The following GFY variants were observed in gnomAD, a reference collection of about 807,000 sequenced individuals.
The protein encoded by GFY is Golgi-associated olfactory signaling regulator.
In GFY, 28 loss-of-function variants were observed where a neutral mutation model predicts 29.1. The ratio of observed to expected loss-of-function variants is 0.96; its 90% CI spans 0.71 to 1.32. The LOEUF is 1.32. Among genes scored for constraint, GFY ranks in the 40% most tolerant of loss-of-function variants. The pLI, the probability that GFY is intolerant of heterozygous loss-of-function variation, is 0.00. For missense variants in GFY, 656 were observed against 661.9 expected (o/e 0.99, Z 0.10); for synonymous variants, 277 against 274.5 (o/e 1.01, Z -0.09).
In GFY at chr19:49,428,124, G is replaced by T; in HGVS notation, c.1357+5G>T. 1 of 1,530,006 alleles carries T rather than the reference G, an allele frequency of 6.5e-7. No individual in the cohort carries two copies. Among genetic ancestry groups the T allele is most frequent in the Non-Finnish European group, 8.8e-7 (1 of 1,141,744 alleles). The allele number at this position is 1,530,006 out of a possible 1,614,324, so 94.8% of individuals were successfully genotyped here. ...CGGACGACGGAGATGAACCGGGTGA[G>T]CGCCCTGCCCCTTGAATGCCTGCAC... On this transcript the variant is annotated splice_donor_5th_base_variant and intron_variant, in intron 3 of 3. Transcript: ENST00000610896.
rs542168709 is a variant in GFY, at chr19:49,426,873, G to A, written c.443G>A (p.Gly148Glu). 543 of 1,535,132 alleles carry A rather than the reference G, an allele frequency of 3.5e-4. No homozygotes were observed. Among genetic ancestry groups the A allele is most frequent in the African/African-American group, 2.1e-3 (152 of 72,754 alleles). ...TPGPTEMPHP[G>E]SPETPKPNFS... ...GGCCCAACTGAAATGCCACACCCAG[G>A]ATCCCCTGAGACCCCCAAACCTAAC... The change falls in exon 2 of 4, where the codon GGA becomes GAA. Residue 148 changes from glycine to glutamate, a missense_variant. Physicochemically the swap from Gly to Glu is moderately conservative, Grantham distance 98. Transcript: ENST00000610896.
At chr19:49,424,437 T>G (rs537484963), upstream of GFY, among the ~76,000 whole-genome samples, 1 of 152,134 alleles carries the variant, frequency 6.6e-6, no homozygotes. Flanking sequence ...GAGATAGGGT[T>G]TCGCCAAACT....
At chr19:49,428,420 C>A (rs1486968883) in intron 3 of GFY, among the ~76,000 whole-genome samples, 199 bp from the exon 4 acceptor site, 1 of 152,148 alleles carries the variant, frequency 6.6e-6, no homozygotes, top group Non-Finnish European at 1.5e-5. Context: ...CAGGCCCCGC[C>A]GCTGCTGATC....
chr19:49,423,897 G>T (rs1975046687), upstream of GFY: 1 of 152,806 alleles, frequency 6.5e-6, no homozygotes, highest in Non-Finnish European at 1.5e-5. Context: ...GATGGAGATG[G>T]AGGAGGGAAA....
At position 49,426,626 on chromosome 19, in the gene GFY, T is replaced by C. The variant is rs1975075728; in HGVS notation, c.196T>C (p.Tyr66His). 1 of 1,535,528 alleles carries C rather than the reference T, an allele frequency of 6.5e-7. No individual in the cohort carries two copies. Among genetic ancestry groups the C allele is most frequent in the South Asian group, 1.2e-5 (1 of 83,982 alleles). The part of the protein sequence containing the change: ...RLNPEFPGTP[Y>H]PEPSKLPHTV... Reference sequence around the variant, plus strand: ...TAACCCAGAATTTCCTGGGACTCCTTACCCTGAGCCTTCCAAGCTACCTCA... The same window carrying C: ...TAACCCAGAATTTCCTGGGACTCCTCACCCTGAGCCTTCCAAGCTACCTCA... Residue 66 changes from tyrosine to histidine, a missense_variant, in exon 2 of 4, where the codon TAC becomes CAC. Physicochemically the swap from Tyr to His is moderately conservative, Grantham distance 83. Transcript: ENST00000610896.
At chr19:49,428,154 CCATAA>C in intron 3 of GFY, 35 bp downstream of exon 3, 2 of 1,514,480 alleles carry the variant, frequency 1.3e-6, no homozygotes, top group Non-Finnish European at 1.8e-6. Context: ...CTGCACTTTT[CCATAA>C]CCTGGTCTCT....
rs377272836 is a variant in GFY at position 49,428,377 on chromosome 19, G to T, written c.1358-242G>T. ...CCCGCCCCTGCCCCTCCAGGTACGCGGCCCGGAGCCCTGTACTTCCCGCCC... is the reference window on the plus strand; with the variant it reads ...CCCGCCCCTGCCCCTCCAGGTACGCTGCCCGGAGCCCTGTACTTCCCGCCC... On this transcript the variant is annotated intron_variant, in intron 3 of 3. Transcript: ENST00000610896. Among the ~76,000 whole-genome samples the T allele has an allele frequency of 8.6e-5, 13 of 152,030 alleles. No homozygotes were observed. In the East Asian group the frequency reaches 1.9e-3, roughly 23 times the overall value.
chr19:49,428,792 G>C lies in GFY; in HGVS notation c.1531G>C (p.Ala511Pro), dbSNP rs1429686267. The stretch of plus-strand genomic sequence containing the variant: ...GCAGCGTCTGGAGGCCCTGTCCCCC[G>C]CCACGCTCCCCAACAACTTCGTGTG... ...RPQRLEALSP[A>P]TLPNNFV Residue 511 changes from alanine (A) to proline (P), a missense_variant, in exon 4 of 4, where the codon GCC (alanine) becomes CCC (proline). Transcript: ENST00000610896. The C allele has an allele frequency of 4.1e-6, 6 of 1,471,776 alleles. No homozygotes were observed. The East Asian group carries it at 1.0e-4, about 26-fold the overall frequency. 91.2% of individuals were successfully genotyped at this position (1,471,776 alleles called of 1,614,324 possible).
In GFY at chr19:49,426,601, T is replaced by G; in HGVS notation, c.171T>G (p.Leu57=). ...GASENSKRDR[L]NPEFPGTPYP... is the part of the protein sequence containing the mutation. ...CTGAAAATTCCAAACGAGATCGCCT[T>G]AACCCAGAATTTCCTGGGACTCCTT... The change falls in exon 2 of 4, where the codon CTT becomes CTG. Residue 57 remains leucine (L), a synonymous_variant. Transcript: ENST00000610896. 1 of 1,535,922 alleles carries G rather than the reference T, an allele frequency of 6.5e-7. No individual in the cohort carries two copies. The highest frequency in any genetic ancestry group is 2.4e-5 in the East Asian group (1 of 40,888).
Position 49,426,907 on chromosome 19 carries a change from A to G in GFY, c.477A>G (p.Lys159=), listed in dbSNP as rs560069066. The change falls in exon 2 of 4, where the codon AAA becomes AAG. Residue 159 remains lysine (K), a synonymous_variant. Transcript: ENST00000610896. ...AGACCCCCAAACCTAACTTCTCCAAAACTTCACGCCCAGAATTTCCTGAGA... is the reference window on the plus strand; with the variant it reads ...AGACCCCCAAACCTAACTTCTCCAAGACTTCACGCCCAGAATTTCCTGAGA... ...SPETPKPNFS[K]TSRPEFPETP... The G allele has an allele frequency of 1.3e-4, 192 of 1,535,652 alleles. No homozygotes were observed. The African/African-American group carries it at 2.4e-3, about 19-fold the overall frequency.
chr19:49,426,669 C>T lies in GFY; in HGVS notation c.239C>T (p.Thr80Ile). The T allele has an allele frequency of 6.5e-7, 1 of 1,536,146 alleles. No homozygotes were observed. Among genetic ancestry groups the T allele is most frequent in the Non-Finnish European group, 8.7e-7 (1 of 1,146,890 alleles). The change falls in exon 2 of 4, where the codon ACC becomes ATC. Residue 80 changes from threonine (T) to isoleucine (I), a missense_variant. Thr to Ile is a moderately conservative substitution (Grantham distance 89). Coordinates refer to ENST00000610896, the MANE Select transcript of GFY (RefSeq NM_001195256.2). ...SKLPHTVSLE[T>I]FPLDFTEPLN... ...CTACCTCATACGGTTTCCCTGGAAACCTTCCCACTTGACTTCACTGAGCCC... is the reference window on the plus strand; with the variant it reads ...CTACCTCATACGGTTTCCCTGGAAATCTTCCCACTTGACTTCACTGAGCCC...
At chr19:49,427,814 C>A in intron 2 of GFY, 132 bp from the exon 3 acceptor site, 2 of 1,211,102 alleles carry the variant, frequency 1.7e-6, no homozygotes, top group Non-Finnish European at 2.2e-6. Flanking sequence ...GGGGTCTGGA[C>A]TCCTGGGTCT....
In GFY at chr19:49,427,967, C is replaced by A. The variant is rs1381499714; in HGVS notation, c.1205C>A (p.Pro402Gln). ...KETGVTLVGR[P>Q]RGAAGGALCL... The stretch of plus-strand genomic sequence containing the variant: ...TCAGGCGTGACTCTGGTGGGGCGAC[C>A]ACGTGGCGCAGCAGGCGGGGCCCTC... The change falls in exon 3 of 4, where the codon CCA (proline) becomes CAA (glutamine). Residue 402 changes from proline (P) to glutamine (Q), a missense_variant. Physicochemically the swap from Pro to Gln is moderately conservative, Grantham distance 76. Transcript: ENST00000610896. 6.5e-7 allele frequency: 1 copy of A among 1,534,662 alleles called. No individual in the cohort carries two copies. Among genetic ancestry groups the A allele is most frequent in the Non-Finnish European group, 8.7e-7 (1 of 1,145,884 alleles).
rs576907572 is a variant in GFY at position 49,426,724 on chromosome 19, C to A, written c.294C>A (p.His98Gln). Residue 98 changes from histidine to glutamine, a missense_variant, in exon 2 of 4, where the codon CAC becomes CAA. Physicochemically the swap from His to Gln is conservative, Grantham distance 24 (BLOSUM62 0). Coordinates refer to ENST00000610896, the MANE Select transcript of GFY (RefSeq NM_001195256.2). The stretch of plus-strand genomic sequence containing the variant: ...ACCCTGACCTCCGAGAAACCCCGCA[C>A]CCAGAGTCTCCTGAGACCCCCAAAG... Reference protein sequence around the residue: ...PLNPDLRETPHPESPETPKAD... With the variant: ...PLNPDLRETPQPESPETPKAD... 138 of 1,535,956 alleles carry A rather than the reference C, an allele frequency of 9.0e-5. 2 individuals carry two copies. The South Asian group carries it at 1.6e-3, about 17-fold the overall frequency.
Position 49,426,933 on chromosome 19 carries a change from C to A in GFY, c.503C>A (p.Thr168Asn). The A allele has an allele frequency of 6.5e-7, 1 of 1,535,980 alleles. No individual in the cohort carries two copies. ...ACTTCACGCCCAGAATTTCCTGAGACCCCAAACACTGACCTTATGCAAACT... is the reference window on the plus strand; with the variant it reads ...ACTTCACGCCCAGAATTTCCTGAGAACCCAAACACTGACCTTATGCAAACT... ...SKTSRPEFPE[T>N]PNTDLMQTTP... Residue 168 changes from threonine (T) to asparagine (N), a missense_variant, in exon 2 of 4, where the codon ACC (threonine) becomes AAC (asparagine). By Grantham distance (65) the Thr-to-Asn change is moderately conservative (BLOSUM62 0). Coordinates refer to ENST00000610896, the MANE Select transcript of GFY (RefSeq NM_001195256.2).
At position 49,426,816 on chromosome 19, in the gene GFY, C is replaced by T. The variant is rs1475077182; in HGVS notation, c.386C>T (p.Ala129Val). Residue 129 changes from alanine to valine, a missense_variant, in exon 2 of 4, where the codon GCA (alanine) becomes GTA (valine). Transcript: ENST00000610896. ...DMPKTNLSKMAHPESSETPTP... is the reference protein window; with the variant it reads ...DMPKTNLSKMVHPESSETPTP... ...CCCAAAACTAACCTCTCCAAAATGG[C>T]ACACCCAGAGTCTTCTGAGACCCCC... 1 of 1,535,806 alleles carries T rather than the reference C, an allele frequency of 6.5e-7. No homozygotes were observed. The highest frequency in any genetic ancestry group is 1.4e-5 in the African/African-American group (1 of 72,858).
At chr19:49,426,389 C>A (rs566675840) in intron 1 of GFY, 21 bp from the exon 2 acceptor site, 265 of 1,477,900 alleles carry the variant, frequency 1.8e-4, no homozygotes, top group Non-Finnish European at 2.1e-4. Flanking sequence ...TTAACCCCTT[C>A]CTTCCCGCTC....
chr19:49,426,544 C>T lies in GFY; in HGVS notation c.114C>T (p.His38=). 9 of 1,536,172 alleles carry T rather than the reference C, an allele frequency of 5.9e-6. No individual in the cohort carries two copies. The highest frequency in any genetic ancestry group is 7.0e-6 in the Non-Finnish European group (8 of 1,146,908). Residue 38 remains histidine, a synonymous_variant, in exon 2 of 4, where the codon CAC becomes CAT. Transcript: ENST00000610896. The stretch of plus-strand genomic sequence containing the variant: ...GCTGTGGCTTTCCGGACATGGCCCA[C>T]CCCTCTGAGACTTCCCCTCTGAAGG... The part of the protein sequence containing the change: ...PLGCGFPDMA[H]PSETSPLKGA...
chr19:49,426,324 T>A, intron 1 of GFY, 86 bp from the exon 2 acceptor site: 1 of 1,441,226 alleles, frequency 6.9e-7, no homozygotes, highest in Non-Finnish European at 9.0e-7. Context: ...GGTCCACCTG[T>A]GTTCCAGTGG....
Sources: gnomAD v4.1 joint callset for allele counts (sites outside exome capture counted in the v4.1 genomes callset) on GRCh38, gnomAD v4.1.1 for gene constraint, MANE v1.5 for transcripts, NCBI Gene and HGNC (gene_info 2026-07-23, HGNC 2026-07-21) for gene names.